Variants in APC2 observed in about 807,000 individuals in gnomAD.
APC2 encodes APC regulator of Wnt signaling pathway 2.
A neutral mutation model predicts 72.5 loss-of-function variants in APC2; 41 were observed. The observed-to-expected ratio is 0.57, with a 90% CI of 0.44 to 0.73. The LOEUF (loss-of-function observed/expected upper bound fraction) is 0.73. Among genes scored for constraint, APC2 ranks in the 30% least tolerant of loss-of-function variants. APC2 has a pLI of 0.00. For missense variants in APC2, 3,729 were observed against 3,403.4 expected (o/e 1.10, Z -2.38); for synonymous variants, 1,898 against 1,612.0 (o/e 1.18, Z -4.25).
At chr19:1,450,748 C>A (rs1455549532) in intron 1 of APC2, among the ~76,000 whole-genome samples, 1 of 152,212 alleles carries the variant, frequency 6.6e-6, no homozygotes, top group African/African-American at 2.4e-5. Context: ...CTCAATAAGA[C>A]CAGCCCCCAG....
In APC2 at chr19:1,452,177, G is replaced by C. The variant is rs2083751041; in HGVS notation, c.-18-807G>C. The C allele has an allele frequency of 6.5e-6, 1 of 153,640 alleles. No individual in the cohort carries two copies. The highest frequency in any genetic ancestry group is 2.0e-4 in the South Asian group (1 of 5,052). 9.5% of individuals were successfully genotyped at this position (153,640 alleles called of 1,614,324 possible). ...GGAGGAGGCGCCGGCCAGCTGGACAGAGGGAGGAGGCCAGGCCAGAGCCAG... is the reference window on the plus strand; with the variant it reads ...GGAGGAGGCGCCGGCCAGCTGGACACAGGGAGGAGGCCAGGCCAGAGCCAG... On this transcript the variant is annotated intron_variant, in intron 1 of 14. Coordinates refer to ENST00000590469, the MANE Select transcript of APC2 (RefSeq NM_005883.3). This position sits in a 1 kb window ranked among gnomAD's most constrained non-coding sequence, Gnocchi z 5.1.
intron 4 of APC2, among the ~76,000 whole-genome samples, chr19:1,454,688 C>G (rs1015004845): frequency 2.4e-4 from 37 of 152,006 alleles, no homozygotes; most frequent in Non-Finnish European, 3.5e-4. Context: ...CTCAGCCTCC[C>G]GAGTAGCTGG....
Position 1,468,148 on chromosome 19 carries a change from G to A in APC2, c.4847G>A (p.Arg1616His), listed in dbSNP as rs1357912960. 2.7e-6 allele frequency: 4 copies of A among 1,477,420 alleles called. No individual in the cohort carries two copies. The highest frequency in any genetic ancestry group is 2.4e-5 in the Admixed American group (1 of 42,026). The allele number at this position is 1,477,420 out of a possible 1,614,324, so 91.5% of individuals were successfully genotyped here. ...VTKDPGPGGGRDSSPSPRAAE... is the reference protein window; with the variant it reads ...VTKDPGPGGGHDSSPSPRAAE... ...AAGGACCCGGGCCCAGGAGGCGGAC[G>A]CGACAGCTCGCCCAGCCCGCGGGCC... Residue 1616 changes from arginine to histidine, a missense_variant, in exon 15 of 15, where the codon CGC (arginine) becomes CAC (histidine). Coordinates refer to ENST00000590469, the MANE Select transcript of APC2 (RefSeq NM_005883.3).
chr19:1,462,185 C>T lies in APC2; in HGVS notation c.1853+8C>T. On this transcript the variant is annotated splice_region_variant and intron_variant, in intron 14 of 14. Transcript: ENST00000590469. ...CACCCGTGAGGACTACAGGTCGGCC[C>T]CCACCCCCCCACCCGCACACAGGCA... 6.8e-7 allele frequency: 1 copy of T among 1,460,078 alleles called. No individual in the cohort carries two copies. The highest frequency in any genetic ancestry group is 1.3e-5 in the South Asian group (1 of 79,616). The allele number at this position is 1,460,078 out of a possible 1,614,324, so 90.4% of individuals were successfully genotyped here.
rs766629792 is a variant in APC2 at position 1,460,795 on chromosome 19, C to T, written c.1459C>T (p.Arg487Cys). The change falls in exon 12 of 15, where the codon CGC becomes TGC. Residue 487 changes from arginine to cysteine, a missense_variant. Transcript: ENST00000590469. ...CCCCCAACAGGCCACCCTGTGTGCG[C>T]GCCGCGGCTGCATGGAGGCCATCGT... ...DVANKATLCA[R>C]RGCMEAIVAQ... The T allele has an allele frequency of 3.5e-5, 57 of 1,612,998 alleles. No homozygotes were observed. The highest frequency in any genetic ancestry group is 1.6e-4 in the Middle Eastern group (1 of 6,080).
chr19:1,454,024 A>G (rs903108159), intron 4 of APC2, among the ~76,000 whole-genome samples: 2 of 152,198 alleles, frequency 1.3e-5, no homozygotes, highest in Admixed American at 1.3e-4. Flanking sequence ...GCTCAGGGCC[A>G]GCAGAGGGAG....
chr19:1,457,131 C>G lies in APC2; in HGVS notation c.1095C>G (p.Arg365=), dbSNP rs1408521406. The G allele has an allele frequency of 1.9e-6, 3 of 1,589,156 alleles. No individual in the cohort carries two copies. Among genetic ancestry groups the G allele is most frequent in the Non-Finnish European group, 2.6e-6 (3 of 1,170,794 alleles). The change falls in exon 9 of 15, where the codon CGC becomes CGG. Residue 365 remains arginine, a synonymous_variant. Coordinates refer to ENST00000590469, the MANE Select transcript of APC2 (RefSeq NM_005883.3). ...CGCAGCCGGACCAGGGCCTGGCGCG[C>G]AAGGAGATGCGCGTCCTGCACGTGC... ...VFSQPDQGLA[R]KEMRVLHVLE... is the part of the protein sequence containing the mutation.
In APC2 at chr19:1,465,424, C is replaced by T. The variant is rs2083991806; in HGVS notation, c.2123C>T (p.Ala708Val). The T allele has an allele frequency of 6.5e-7, 1 of 1,545,400 alleles. No individual in the cohort carries two copies. Among genetic ancestry groups the T allele is most frequent in the Non-Finnish European group, 8.7e-7 (1 of 1,152,580 alleles). Residue 708 changes from alanine (A) to valine (V), a missense_variant, in exon 15 of 15, where the codon GCC becomes GTC. Ala to Val is a moderately conservative substitution (Grantham distance 64). Transcript: ENST00000590469. ...RPAKHQAAAT[A>V]VSPGSCVPSL... ...GCCAAGCACCAGGCGGCCGCCACCG[C>T]CGTGTCCCCAGGCAGCTGCGTGCCC...
chr19:1,461,305 C>T (rs1323843254), intron 13 of APC2, 152 bp downstream of exon 13: 9 of 671,200 alleles, frequency 1.3e-5, no homozygotes, highest in Admixed American at 1.2e-4. Flanking sequence ...GGGGCTCACT[C>T]CTCATGTCAC....
intron 14 of APC2, among the ~76,000 whole-genome samples, chr19:1,464,118 A>G (rs2083968552): frequency 6.6e-6 from 1 of 151,918 alleles, no homozygotes; most frequent in South Asian, 2.1e-4. Context: ...AGACCAGCCT[A>G]GCCAACATGG....
rs899004189 is a variant in APC2, at chr19:1,450,357, G to C, written c.-19+19G>C. On this transcript the variant is annotated intron_variant, in intron 1 of 14. Coordinates refer to ENST00000590469, the MANE Select transcript of APC2 (RefSeq NM_005883.3). ...TAAGCGGGTGTGTGTCCTCGGGGAG[G>C]AGGGCAGGGGCGCGACCTCCGCCTC... is the stretch of plus-strand genomic sequence containing the variant. The C allele has an allele frequency of 2.9e-5, 29 of 985,416 alleles. No homozygotes were observed. Among genetic ancestry groups the C allele is most frequent in the Non-Finnish European group, 3.3e-5 (27 of 829,978 alleles). The allele number at this position is 985,416 out of a possible 1,614,324, so 61.0% of individuals were successfully genotyped here.
At position 1,461,844 on chromosome 19, in the gene APC2, T is replaced by C. The variant is rs1255664618; in HGVS notation, c.1639-119T>C. 4.9e-6 allele frequency: 4 copies of C among 815,012 alleles called. No homozygotes were observed. In the Admixed American group the frequency reaches 8.9e-5, roughly 18 times the overall value. The allele number at this position is 815,012 out of a possible 1,614,324, so 50.5% of individuals were successfully genotyped here. Reference sequence around the variant, plus strand: ...TCCAGCCTGGGGGAGAGAGTGAGATTCCGTCTCAAAAAAAAAAAACAAAAA... The same window carrying C: ...TCCAGCCTGGGGGAGAGAGTGAGATCCCGTCTCAAAAAAAAAAAACAAAAA... On this transcript the variant is annotated intron_variant, in intron 13 of 14. Transcript: ENST00000590469.
In APC2 at chr19:1,468,679, T is replaced by C. The variant is rs2084072081; in HGVS notation, c.5378T>C (p.Val1793Ala). Reference protein sequence around the residue: ...GVPAVLRGRTVIYVPSPAPRA... With the variant: ...GVPAVLRGRTAIYVPSPAPRA... ...CCAGCTGTGCTCCGGGGACGAACAG[T>C]GATCTACGTCCCCAGCCCGGCACCC... The change falls in exon 15 of 15, where the codon GTG becomes GCG. Residue 1793 changes from valine to alanine, a missense_variant. Transcript: ENST00000590469. The C allele has an allele frequency of 6.4e-7, 1 of 1,569,826 alleles. No individual in the cohort carries two copies. Among genetic ancestry groups the C allele is most frequent in the Non-Finnish European group, 8.7e-7 (1 of 1,154,374 alleles).
At position 1,467,699 on chromosome 19, in the gene APC2, G is replaced by A. The variant is rs2145246318; in HGVS notation, c.4398G>A (p.Glu1466=). 1 of 1,459,400 alleles carries A rather than the reference G, an allele frequency of 6.9e-7. No individual in the cohort carries two copies. The highest frequency in any genetic ancestry group is 1.4e-5 in the South Asian group (1 of 73,012). The allele number at this position is 1,459,400 out of a possible 1,614,324, so 90.4% of individuals were successfully genotyped here. ...RGAGKNRAGL[E]LPLGRPPSAP... ...CGGGCAAGAACAGAGCAGGGCTGGA[G>A]CTGCCCCTGGGCCGGCCCCCGAGCG... is the stretch of plus-strand genomic sequence containing the variant. The change falls in exon 15 of 15, where the codon GAG becomes GAA. Residue 1466 remains glutamate (E), a synonymous_variant. Transcript: ENST00000590469.
intron 6 of APC2, 127 bp downstream of exon 6, chr19:1,455,627 C>A: frequency 7.4e-6 from 7 of 942,256 alleles, no homozygotes; most frequent in Non-Finnish European, 1.1e-5. Flanking sequence ...GGTTGGGGGG[C>A]GCGGGTTCTG....
rs1326429313 is a variant in APC2 at position 1,466,724 on chromosome 19, C to A, written c.3423C>A (p.Asp1141Glu). 2.0e-6 allele frequency: 3 copies of A among 1,536,994 alleles called. No individual in the cohort carries two copies. The highest frequency in any genetic ancestry group is 2.6e-6 in the Non-Finnish European group (3 of 1,139,970). The change falls in exon 15 of 15, where the codon GAC becomes GAA. Residue 1141 changes from aspartate to glutamate, a missense_variant. Coordinates refer to ENST00000590469, the MANE Select transcript of APC2 (RefSeq NM_005883.3). The part of the protein sequence containing the change: ...RNRGRGLGVE[D>E]ATPSSSSENY... ...GAGGCCGGGGCCTGGGGGTGGAAGA[C>A]GCCACGCCGTCCAGCTCGTCGGAGA...
Position 1,458,073 on chromosome 19 carries a change from G to A in APC2, c.1303+13G>A. The A allele has an allele frequency of 6.4e-7, 1 of 1,554,652 alleles. No homozygotes were observed. Among genetic ancestry groups the A allele is most frequent in the East Asian group, 2.4e-5 (1 of 41,926 alleles). On this transcript the variant is annotated intron_variant, in intron 10 of 14. Transcript: ENST00000590469. ...ATGAACGAGCTAGGTGAGTGTCCCA[G>A]GTCCTCTGGGAAGCCATCCTCCAGC...
chr19:1,470,044 G>A lies in APC2; in HGVS notation c.6743G>A (p.Gly2248Asp), dbSNP rs753415312. ...APISAPFVHE[G>D]LGVAVGGFPA... ...ATCTCCGCACCCTTCGTGCACGAGGGCCTGGGGGTCGCCGTGGGGGGCTTC... is the reference window on the plus strand; with the variant it reads ...ATCTCCGCACCCTTCGTGCACGAGGACCTGGGGGTCGCCGTGGGGGGCTTC... The change falls in exon 15 of 15, where the codon GGC becomes GAC. Residue 2248 changes from glycine (G) to aspartate (D), a missense_variant. Gly to Asp is a moderately conservative substitution (Grantham distance 94, BLOSUM62 -1). Coordinates refer to ENST00000590469, the MANE Select transcript of APC2 (RefSeq NM_005883.3). 244 of 1,573,052 alleles carry A rather than the reference G, an allele frequency of 1.6e-4. 1 individual carries two copies. Among genetic ancestry groups the A allele is most frequent in the Non-Finnish European group, 1.8e-4 (212 of 1,164,830 alleles).
chr19:1,460,388 A>C (rs2083903900), intron 11 of APC2, 68 bp downstream of exon 11: 1 of 1,600,636 alleles, frequency 6.2e-7, no homozygotes, highest in African/African-American at 1.3e-5. Flanking sequence ...GCCTCCTTCC[A>C]ACTCATCCCA....
Sources: allele counts gnomAD v4.1 joint callset (sites outside exome capture counted in the v4.1 genomes callset), GRCh38; gene constraint gnomAD v4.1.1; non-coding constraint Gnocchi (gnomAD v3.1); transcripts MANE v1.5; gene names NCBI Gene and HGNC (gene_info 2026-07-23, HGNC 2026-07-21).